WDR70: variants seen among roughly 807,000 people sequenced by gnomAD.
The protein encoded by WDR70 is WD repeat domain 70, also known as WD repeat-containing protein 70.
Under a neutral mutation model 88.6 loss-of-function variants are expected in WDR70, and 53 were observed. That is an observed-to-expected ratio of 0.60 (90% CI 0.48 to 0.75). WDR70 has a LOEUF of 0.75. Ranked by LOEUF, WDR70 falls within the 30% of genes least tolerant of loss-of-function variation. WDR70 has a pLI of 0.00. For synonymous variants in WDR70, 280 were observed against 270.0 expected, an observed-to-expected ratio of 1.04 and a Z score of -0.36; for missense variants, 610 against 823.2, an observed-to-expected ratio of 0.74 and a Z score of 3.17.
At chr5:37,706,205 T>G (rs1245381273) in intron 13 of WDR70, among the ~76,000 whole-genome samples, 1 of 152,246 alleles carries the variant, frequency 6.6e-6, no homozygotes, top group Non-Finnish European at 1.5e-5. Flanking sequence ...ATTTCCTTTC[T>G]CTGTTCATTG....
At chr5:37,506,581 A>T in intron 8 of WDR70, 1 of 775,146 alleles carries the variant, frequency 1.3e-6, no homozygotes, top group Non-Finnish European at 2.4e-6. Flanking sequence ...CCAACATTTA[A>T]TGTTAGCCAC....
rs538781379 is a variant in WDR70 at position 37,447,380 on chromosome 5, C to T, written c.686+4008C>T. Among the ~76,000 whole-genome samples, 23 of 152,146 alleles carry T rather than the reference C, an allele frequency of 1.5e-4. No homozygotes were observed. In the East Asian group the frequency reaches 4.5e-3, roughly 29 times the overall value. On this transcript the variant is annotated intron_variant, in intron 7 of 17. Transcript: ENST00000265107. ...TCAACCATTGTGGAAGTCAGTGTGGCGATTCCTCAGGGCCTAGAACTAGAA... is the reference window on the plus strand; with the variant it reads ...TCAACCATTGTGGAAGTCAGTGTGGTGATTCCTCAGGGCCTAGAACTAGAA...
intron 8 of WDR70, chr5:37,506,728 T>C: frequency 1.1e-6 from 1 of 907,168 alleles, no homozygotes; most frequent in Non-Finnish European, 1.9e-6. Context: ...CCTTTCTCAT[T>C]ATACACACTG....
At chr5:37,487,246 CTTTA>C (rs1030802903) in intron 8 of WDR70, among the ~76,000 whole-genome samples, 2 of 152,036 alleles carry the variant, frequency 1.3e-5, no homozygotes, top group African/African-American at 4.8e-5. Flanking sequence ...AATTAATTGA[CTTTA>C]TTTATCTAGG....
intron 7 of WDR70, among the ~76,000 whole-genome samples, chr5:37,474,782 C>T (rs1259869715): frequency 6.6e-6 from 1 of 152,176 alleles, no homozygotes; most frequent in African/African-American, 2.4e-5. Context: ...CACATGTGTC[C>T]ATGTGTTCCC....
chr5:37,707,586 G>T (rs1277476357), intron 13 of WDR70, among the ~76,000 whole-genome samples: 1 of 152,038 alleles, frequency 6.6e-6, no homozygotes, highest in Non-Finnish European at 1.5e-5. Context: ...AATATGCTTT[G>T]ATATTTTCAA....
intron 7 of WDR70, 65 bp from the exon 8 acceptor site, chr5:37,479,769 T>C (rs529055339): frequency 6.6e-7 from 1 of 1,509,060 alleles, no homozygotes; most frequent in Admixed American, 2.1e-5. Flanking sequence ...TGGCAATACT[T>C]AATGTAGTAA....
chr5:37,445,071 GACTTA>G (rs946592578), intron 7 of WDR70, among the ~76,000 whole-genome samples: 18 of 152,102 alleles, frequency 1.2e-4, no homozygotes, highest in Admixed American at 4.6e-4. Flanking sequence ...GGGGACTCCT[GACTTA>G]ACTTGTTTCT....
chr5:37,749,380 C>T (rs1748731446), intron 17 of WDR70, among the ~76,000 whole-genome samples: 1 of 152,090 alleles, frequency 6.6e-6, no homozygotes, highest in Non-Finnish European at 1.5e-5. Flanking sequence ...TGTTCTCACT[C>T]ATAAGTGGGA....
At chr5:37,470,091 CTGAAGGATGCCCATGTAAGCA>C (rs1739278240) in intron 7 of WDR70, among the ~76,000 whole-genome samples, 1 of 151,316 alleles carries the variant, frequency 6.6e-6, no homozygotes, top group Non-Finnish European at 1.5e-5. Context: ...TTATTAAAAA[CTGAAGGATGCCCATGTAAGCA>C]AAAAACAAAA....
At chr5:37,499,699 G>T (rs1046533433) in intron 8 of WDR70, among the ~76,000 whole-genome samples, 1 of 150,254 alleles carries the variant, frequency 6.7e-6, no homozygotes, top group African/African-American at 2.5e-5. Context: ...GATTATAGGT[G>T]CACACCACCG....
intron 9 of WDR70, among the ~76,000 whole-genome samples, chr5:37,572,715 G>A (rs930131040): frequency 3.3e-5 from 5 of 152,140 alleles, no homozygotes; most frequent in Non-Finnish European, 5.9e-5. Flanking sequence ...GGGAATAAAT[G>A]CATTCAACTG....
chr5:37,387,738 T>A (rs1228818034), intron 3 of WDR70, among the ~76,000 whole-genome samples: 2 of 152,010 alleles, frequency 1.3e-5, no homozygotes, highest in Non-Finnish European at 2.9e-5. Flanking sequence ...TGAGCTGTCC[T>A]AGCAAATTAT....
intron 10 of WDR70, among the ~76,000 whole-genome samples, chr5:37,694,783 C>G (rs920327425): frequency 6.6e-6 from 1 of 151,892 alleles, no homozygotes; most frequent in African/African-American, 2.4e-5. Flanking sequence ...CACCATGGCA[C>G]ATGTATACCT....
intron 10 of WDR70, among the ~76,000 whole-genome samples, chr5:37,634,907 AC>A: frequency 6.6e-6 from 1 of 152,140 alleles, no homozygotes. Flanking sequence ...CAGGTCCATA[AC>A]CAACTCAGTT....
At chr5:37,733,226 C>T (rs1440474276) in intron 17 of WDR70, among the ~76,000 whole-genome samples, 1 of 152,088 alleles carries the variant, frequency 6.6e-6, no homozygotes, top group Non-Finnish European at 1.5e-5. Context: ...CTAGTCTTCA[C>T]ATTGCCTTCT....
intron 3 of WDR70, among the ~76,000 whole-genome samples, chr5:37,389,819 A>G (rs997730285): frequency 3.3e-5 from 5 of 152,172 alleles, no homozygotes; most frequent in African/African-American, 1.2e-4. Flanking sequence ...GAAGACACAA[A>G]AAAGTCAACA....
chr5:37,529,402 T>C (rs1218735749), intron 9 of WDR70, among the ~76,000 whole-genome samples: 2 of 152,200 alleles, frequency 1.3e-5, no homozygotes, highest in Non-Finnish European at 2.9e-5. Context: ...ATTTATAGAT[T>C]GCTTTTGGCA....
At chr5:37,401,836 G>C (rs1302663722) in intron 5 of WDR70, among the ~76,000 whole-genome samples, 4 of 152,094 alleles carry the variant, frequency 2.6e-5, no homozygotes, top group Non-Finnish European at 5.9e-5. Context: ...CTGGGGTAGA[G>C]TGTGATCCTC....
Sources: allele counts gnomAD v4.1 joint callset (sites outside exome capture counted in the v4.1 genomes callset), GRCh38; gene constraint gnomAD v4.1.1; transcripts MANE v1.5; gene names NCBI Gene and HGNC (gene_info 2026-07-23, HGNC 2026-07-21).